MYO9A: variants seen among roughly 807,000 people sequenced by gnomAD.
The protein encoded by MYO9A is myosin IXA.
MYO9A carries 103 observed loss-of-function variants against 293.3 expected under a neutral mutation model. The observed-to-expected ratio is 0.35, with a 90% confidence interval of 0.30 to 0.41. The LOEUF is 0.41. Among genes scored for constraint, MYO9A ranks in the 10% least tolerant of loss-of-function variants. MYO9A has a pLI of 1.00. For missense variants in MYO9A, 2,685 were observed against 3,033.0 expected, an observed-to-expected ratio of 0.89 and a Z score of 2.69; for synonymous variants, 1,001 against 1,035.7, an observed-to-expected ratio of 0.97 and a Z score of 0.64.
intron 1 of MYO9A, among the ~76,000 whole-genome samples, chr15:72,082,883 CATGGTGGGT>C (rs1235791471): frequency 6.7e-6 from 1 of 149,302 alleles, no homozygotes; most frequent in African/African-American, 2.5e-5. Context: ...CCTACTAGAT[CATGGTGGGT>C]AAGTTTTTTG....
At chr15:71,900,684 T>C (rs189628151) in intron 23 of MYO9A, among the ~76,000 whole-genome samples, 146 of 152,262 alleles carry the variant, frequency 9.6e-4, no homozygotes, top group South Asian at 8.7e-3. Flanking sequence ...CACTAATGGG[T>C]TTAAGGTAAT....
intron 18 of MYO9A, among the ~76,000 whole-genome samples, chr15:71,931,273 T>C (rs2058467304): frequency 6.6e-6 from 1 of 152,212 alleles, no homozygotes; most frequent in South Asian, 2.1e-4. Flanking sequence ...AGAACTCTAC[T>C]TGTAAGTCAG....
intron 33 of MYO9A, 129 bp from the exon 34 acceptor site, chr15:71,859,925 A>G: frequency 1.5e-6 from 1 of 682,976 alleles, no homozygotes; most frequent in Non-Finnish European, 2.5e-6. Flanking sequence ...TATGACATAC[A>G]TACTTTGTAC....
At chr15:71,922,423 C>CA (rs1438234747) in intron 18 of MYO9A, among the ~76,000 whole-genome samples, 7 of 152,152 alleles carry the variant, frequency 4.6e-5, no homozygotes, top group Admixed American at 3.9e-4. Flanking sequence ...TTAAATCAGG[C>CA]TAAATAAAAT....
chr15:71,848,456 T>C (rs961208409), intron 39 of MYO9A, among the ~76,000 whole-genome samples: 3 of 152,014 alleles, frequency 2.0e-5, no homozygotes, highest in Admixed American at 2.0e-4. Flanking sequence ...GTTCTCTACA[T>C]CCCAGGGGTC....
chr15:72,046,065 G>A lies in MYO9A; in HGVS notation c.499C>T (p.Arg167Ter), dbSNP rs2078375345. 2 of 1,613,480 alleles carry A rather than the reference G, an allele frequency of 1.2e-6. No homozygotes were observed. The highest frequency in any genetic ancestry group is 1.7e-6 in the Non-Finnish European group (2 of 1,179,814). ...LNEKTLLENL[R>*]NRFKHEKIYT... ...ATTTTTTCATGCTTAAAGCGATTTC[G>A]TAGGTTTTCTAAGAGAGTTTTCTCA... The change falls in exon 2 of 42, where the codon CGA becomes TGA. Residue 167 changes from arginine to a stop codon, truncating the protein, a stop_gained. Coordinates refer to ENST00000356056, the MANE Select transcript of MYO9A (RefSeq NM_006901.4). LOFTEE classifies it high-confidence loss of function.
chr15:71,852,360 TTC>T (rs2055686246), intron 35 of MYO9A, 100 bp from the exon 36 acceptor site: 44 of 1,175,694 alleles, frequency 3.7e-5, no homozygotes, highest in East Asian at 8.5e-5. Flanking sequence ...GGCTTCATGT[TTC>T]TTTTTTTTTT....
chr15:71,873,489 CGTTTTTAAG>C (rs1468404227), intron 32 of MYO9A, among the ~76,000 whole-genome samples: 1 of 151,436 alleles, frequency 6.6e-6, no homozygotes, highest in Admixed American at 6.6e-5. Context: ...TTTCCTTTAA[CGTTTTTAAG>C]GTTTTTAATA....
intron 1 of MYO9A, among the ~76,000 whole-genome samples, chr15:72,055,802 A>C (rs1249579963): frequency 4.6e-5 from 7 of 152,192 alleles, no homozygotes; most frequent in Admixed American, 4.6e-4. Flanking sequence ...AAAAAAAATC[A>C]AAAAAATAAT....
chr15:71,889,268 G>A (rs2142955783), intron 26 of MYO9A, among the ~76,000 whole-genome samples: 1 of 152,128 alleles, frequency 6.6e-6, no homozygotes, highest in South Asian at 2.1e-4. Context: ...TCACTTGAAA[G>A]GATTAAAGGT....
At chr15:71,946,843 G>A (rs1425598029) in intron 15 of MYO9A, among the ~76,000 whole-genome samples, 1 of 152,226 alleles carries the variant, frequency 6.6e-6, no homozygotes, top group Non-Finnish European at 1.5e-5. Flanking sequence ...GCCGGATGTA[G>A]TGGCTCACAT....
intron 32 of MYO9A, among the ~76,000 whole-genome samples, chr15:71,872,450 T>C (rs2056544679): frequency 6.6e-6 from 1 of 152,182 alleles, no homozygotes; most frequent in Non-Finnish European, 1.5e-5. Context: ...AATTACTTTA[T>C]TCTGTAGGTA....
intron 6 of MYO9A, among the ~76,000 whole-genome samples, chr15:72,015,846 T>C (rs2077320819): frequency 6.6e-6 from 1 of 151,640 alleles, no homozygotes; most frequent in African/African-American, 2.4e-5. Context: ...CGCCACCACA[T>C]CCAGCTAATT....
chr15:72,005,667 TTAA>T (rs1206231842), intron 8 of MYO9A, among the ~76,000 whole-genome samples: 5 of 152,186 alleles, frequency 3.3e-5, no homozygotes, highest in Non-Finnish European at 5.9e-5. Flanking sequence ...TCCACTGAAG[TTAA>T]TAAGCAATGC....
At chr15:72,029,669 G>A (rs978763059) in intron 3 of MYO9A, among the ~76,000 whole-genome samples, 9 of 152,122 alleles carry the variant, frequency 5.9e-5, no homozygotes, top group Non-Finnish European at 1.0e-4. Flanking sequence ...CCAGAAGAAC[G>A]AACTTTATCC....
At chr15:71,864,060 A>C (rs2056240444) in intron 32 of MYO9A, among the ~76,000 whole-genome samples, 1 of 152,230 alleles carries the variant, frequency 6.6e-6, no homozygotes. Context: ...AAACATTTGC[A>C]AATCATATAT....
intron 1 of MYO9A, among the ~76,000 whole-genome samples, chr15:72,093,089 A>G (rs1003871977): frequency 6.6e-6 from 1 of 152,252 alleles, no homozygotes; most frequent in Non-Finnish European, 1.5e-5. Context: ...AAAAGCAAGC[A>G]AGCAAAGAAT....
chr15:72,083,824 G>C (rs1357470473), intron 1 of MYO9A, among the ~76,000 whole-genome samples: 2 of 152,190 alleles, frequency 1.3e-5, no homozygotes, highest in African/African-American at 4.8e-5. Flanking sequence ...AATTTTCTTA[G>C]ATGTGACTTC....
chr15:72,019,781 G>A (rs1015182040), intron 5 of MYO9A, among the ~76,000 whole-genome samples: 4 of 152,018 alleles, frequency 2.6e-5, no homozygotes, highest in South Asian at 4.1e-4. Flanking sequence ...ACGGAGTCTC[G>A]CTCTGTTGCC....
Sources: gnomAD v4.1 joint callset for allele counts (sites outside exome capture counted in the v4.1 genomes callset) on GRCh38, gnomAD v4.1.1 for gene constraint, MANE v1.5 for transcripts, NCBI Gene and HGNC (gene_info 2026-07-23, HGNC 2026-07-21) for gene names.